POLD3: variants seen among roughly 807,000 people sequenced by gnomAD.
The protein encoded by POLD3 is DNA polymerase delta subunit 3.
A neutral mutation model predicts 58.2 loss-of-function variants in POLD3; 19 were observed. The observed-to-expected ratio is 0.33, with a 90% CI of 0.23 to 0.48. POLD3 has a LOEUF of 0.48. POLD3 is among the 20% of genes least tolerant of loss of function. The probability of loss-of-function intolerance (pLI) is 0.99; values close to 1 mark genes in which losing one functional copy is unlikely to be tolerated. For missense variants in POLD3, 504 were observed against 545.5 expected (o/e 0.92, Z 0.76); for synonymous variants, 172 against 193.5 (o/e 0.89, Z 0.92).
chr11:74,592,582 A>T lies in POLD3; in HGVS notation c.-77A>T, dbSNP rs77336207. Reference sequence around the variant, plus strand: ...AACGACCCGGGACCTGGGAGGGAGCAAAGACGTTTCCCGCCGGCGGGAGCT... The same window carrying T: ...AACGACCCGGGACCTGGGAGGGAGCTAAGACGTTTCCCGCCGGCGGGAGCT... On this transcript the variant is annotated 5_prime_UTR_variant, in exon 1 of 12. Coordinates refer to ENST00000263681, the MANE Select transcript of POLD3 (RefSeq NM_006591.3). 1,741 of 1,571,046 alleles carry T rather than the reference A, an allele frequency of 1.1e-3. 15 individuals are homozygous for T. In the African/African-American group the frequency reaches 0.021, roughly 19 times the overall value.
At chr11:74,663,042 T>C (rs2033224364) in intron 4 of POLD3, among the ~76,000 whole-genome samples, 1 of 152,168 alleles carries the variant, frequency 6.6e-6, no homozygotes, top group Non-Finnish European at 1.5e-5. Context: ...GGGGTGGCAT[T>C]GGTGATTCAA....
At chr11:74,637,443 T>TTA (rs1194018646) in intron 11 of POLD3, among the ~76,000 whole-genome samples, 4 of 150,204 alleles carry the variant, frequency 2.7e-5, no homozygotes, top group African/African-American at 9.8e-5. Flanking sequence ...TCCTTTTTTT[T>TTA]TTTTTTTTGG....
chr11:74,641,258 G>A lies in POLD3; in HGVS notation c.*492G>A. ...CACTTCTGTCCCCTAACCTCCTGAG[G>A]CTGTTCTCTGTAAGTCTTTTAAGTT... On this transcript the variant is annotated 3_prime_UTR_variant, in exon 12 of 12. Transcript: ENST00000263681. 3 of 985,496 alleles carry A rather than the reference G, an allele frequency of 3.0e-6. No homozygotes were observed. The highest frequency in any genetic ancestry group is 3.6e-6 in the Non-Finnish European group (3 of 830,028). 61.0% of individuals were successfully genotyped at this position (985,496 alleles called of 1,614,324 possible). A position where few individuals can be genotyped will look rare whatever the true frequency, so the allele number is the denominator to read the frequency against.
At chr11:74,599,190 A>G (rs1359693165) in intron 2 of POLD3, among the ~76,000 whole-genome samples, 1 of 151,964 alleles carries the variant, frequency 6.6e-6, no homozygotes, top group African/African-American at 2.4e-5. Flanking sequence ...ACATGCCACC[A>G]TGCTAGCTGA....
At chr11:74,661,498 A>G (rs1485034847) in intron 4 of POLD3, among the ~76,000 whole-genome samples, 1 of 152,176 alleles carries the variant, frequency 6.6e-6, no homozygotes, top group African/African-American at 2.4e-5. Context: ...AACTCTCTGG[A>G]TTACCAGGTG....
At chr11:74,609,372 A>ATATATATATAT (rs2031821525) in intron 3 of POLD3, among the ~76,000 whole-genome samples, 1 of 27,196 alleles carries the variant, frequency 3.7e-5, no homozygotes, top group African/African-American at 1.9e-4. Context: ...ATATATATAT[A>ATATATATATAT]TTTTTTTTTT....
At position 74,604,675 on chromosome 11, in the gene POLD3, T is replaced by C; in HGVS notation, c.117-17T>C. On this transcript the variant is annotated splice_polypyrimidine_tract_variant and intron_variant, in intron 2 of 11. Coordinates refer to ENST00000263681, the MANE Select transcript of POLD3 (RefSeq NM_006591.3). ...TCTTACTGATGTCTTACTTGTGCCT[T>C]CTTTTCTTTGGAATAGGATGCTGTA... The C allele has an allele frequency of 1.4e-6, 2 of 1,408,488 alleles. No homozygotes were observed. Among genetic ancestry groups the C allele is most frequent in the Non-Finnish European group, 2.0e-6 (2 of 994,254 alleles). 87.2% of individuals were successfully genotyped at this position (1,408,488 alleles called of 1,614,324 possible).
At chr11:74,604,355 AGTT>A (rs1356486762) in intron 2 of POLD3, among the ~76,000 whole-genome samples, 1 of 152,228 alleles carries the variant, frequency 6.6e-6, no homozygotes, top group Non-Finnish European at 1.5e-5. Context: ...GAGCTTAGAC[AGTT>A]ACCAAACTAC....
chr11:74,604,503 A>G (rs1402465131), intron 2 of POLD3, 189 bp from the exon 3 acceptor site: 2 of 539,658 alleles, frequency 3.7e-6, no homozygotes. Flanking sequence ...CATGGACTCT[A>G]CTCCCCATGT....
At chr11:74,640,491 C>G (rs1411606092) in intron 11 of POLD3, 73 bp from the exon 12 acceptor site, 2 of 1,448,504 alleles carry the variant, frequency 1.4e-6, no homozygotes, top group South Asian at 1.6e-5. Flanking sequence ...TTGGGGTTAG[C>G]AAGACATCCC....
At chr11:74,661,035 C>A (rs549275781) in intron 4 of POLD3, among the ~76,000 whole-genome samples, 22 of 151,874 alleles carry the variant, frequency 1.4e-4, no homozygotes, top group African/African-American at 5.1e-4. Context: ...TCCAGAATTT[C>A]TGCTTGATTC....
rs1443119821 is a variant in POLD3, at chr11:74,640,644, C to T, written c.1279C>T (p.Pro427Ser). The change falls in exon 12 of 12, where the codon CCC (proline) becomes TCC (serine). Residue 427 changes from proline to serine, a missense_variant. Pro to Ser is a moderately conservative substitution (Grantham distance 74, BLOSUM62 -1). Coordinates refer to ENST00000263681, the MANE Select transcript of POLD3 (RefSeq NM_006591.3). ...LNMKTSSVHR[P>S]PAMTVKKEPR... The stretch of plus-strand genomic sequence containing the variant: ...CATGAAGACATCCTCAGTACACAGA[C>T]CCCCTGCCATGACTGTGAAAAAAGA... 1 of 1,611,740 alleles carries T rather than the reference C, an allele frequency of 6.2e-7. No homozygotes were observed. Among genetic ancestry groups the T allele is most frequent in the African/African-American group, 1.3e-5 (1 of 74,904 alleles).
chr11:74,660,603 A>AT (rs1159078343), intron 4 of POLD3, among the ~76,000 whole-genome samples: 5 of 152,034 alleles, frequency 3.3e-5, no homozygotes, highest in African/African-American at 1.2e-4. Flanking sequence ...GTAGGAGATG[A>AT]TTGTATCATG....
intron 5 of POLD3, among the ~76,000 whole-genome samples, chr11:74,614,647 T>G (rs1660171718): frequency 6.6e-6 from 1 of 151,984 alleles, no homozygotes; most frequent in Non-Finnish European, 1.5e-5. Context: ...AAGGCAGAGC[T>G]TGCAGCGAGC....
intron 4 of POLD3, among the ~76,000 whole-genome samples, chr11:74,658,439 G>C (rs564567730): frequency 6.6e-6 from 1 of 152,184 alleles, no homozygotes; most frequent in South Asian, 2.1e-4. Context: ...TCACATTTCA[G>C]AACCAATCAT....
intron 8 of POLD3, among the ~76,000 whole-genome samples, chr11:74,625,871 T>TTTTGTGTGTGTGTG (rs142784051): frequency 1.8e-4 from 26 of 143,680 alleles, no homozygotes; most frequent in African/African-American, 6.2e-4. Context: ...GTGTGCCTAG[T>TTTTGTGTGTGTGTG]TGTGTGTGTG....
intron 3 of POLD3, among the ~76,000 whole-genome samples, chr11:74,606,037 A>T (rs2031663401): frequency 6.6e-6 from 1 of 152,188 alleles, no homozygotes; most frequent in Non-Finnish European, 1.5e-5. Context: ...GCGAGCTGTG[A>T]TTGCGCCACT....
At position 74,619,872 on chromosome 11, in the gene POLD3, A is replaced by G. The variant is rs192668349; in HGVS notation, c.661-145A>G. 207 of 602,126 alleles carry G rather than the reference A, an allele frequency of 3.4e-4. No homozygotes were observed. In the African/African-American group the frequency reaches 3.5e-3, roughly 10 times the overall value. 37.3% of individuals were successfully genotyped at this position (602,126 alleles called of 1,614,324 possible). A position where few individuals can be genotyped will look rare whatever the true frequency, so the allele number is the denominator to read the frequency against. On this transcript the variant is annotated intron_variant, in intron 6 of 11. Coordinates refer to ENST00000263681, the MANE Select transcript of POLD3 (RefSeq NM_006591.3). ...GGATTATTGTTCTAGATTTGTTCTT[A>G]TATCTAACACCTACGCGTTTTGGCA...
chr11:74,599,529 A>C (rs2031407209), intron 2 of POLD3, among the ~76,000 whole-genome samples: 1 of 151,338 alleles, frequency 6.6e-6, no homozygotes, highest in African/African-American at 2.4e-5. Context: ...ACGCCTGGCT[A>C]ATTTTTGTAT....
Sources: gnomAD v4.1 joint callset for allele counts (sites outside exome capture counted in the v4.1 genomes callset) on GRCh38, gnomAD v4.1.1 for gene constraint, MANE v1.5 for transcripts, NCBI Gene and HGNC (gene_info 2026-07-23, HGNC 2026-07-21) for gene names.